The following KIZ variants were observed in gnomAD, a reference collection of about 807,000 sequenced individuals.
KIZ encodes kizuna centrosomal protein, also known as centrosomal protein kizuna.
In KIZ, 68 loss-of-function variants were observed where a neutral mutation model predicts 79.6. The observed-to-expected ratio is 0.85, with a 90% CI of 0.70 to 1.05. KIZ has a LOEUF of 1.05. Among genes scored for constraint, KIZ ranks in the 50% least tolerant of loss-of-function variants. The pLI is 0.00. For synonymous variants in KIZ, 280 were observed against 281.8 expected (o/e 0.99, Z 0.06); for missense variants, 797 against 800.4 (o/e 1.00, Z 0.05).
chr20:21,143,472 T>C (rs566667577), intron 3 of KIZ, among the ~76,000 whole-genome samples: 1 of 152,336 alleles, frequency 6.6e-6, no homozygotes, highest in Non-Finnish European at 1.5e-5. Context: ...CCCAGAGACC[T>C]GAAACTTCTG....
chr20:21,144,458 T>C (rs1444049265), intron 3 of KIZ, among the ~76,000 whole-genome samples: 1 of 152,160 alleles, frequency 6.6e-6, no homozygotes, highest in African/African-American at 2.4e-5. Context: ...AGATGTAAAT[T>C]GTATCTTTGT....
intron 9 of KIZ, among the ~76,000 whole-genome samples, chr20:21,226,648 G>A (rs909871341): frequency 9.2e-5 from 14 of 152,222 alleles, no homozygotes; most frequent in African/African-American, 2.9e-4. Context: ...GCCTCAGTGA[G>A]TGTCATTCCT....
chr20:21,222,509 T>G (rs982510732), intron 9 of KIZ, among the ~76,000 whole-genome samples: 1 of 152,200 alleles, frequency 6.6e-6, no homozygotes, highest in African/African-American at 2.4e-5. Flanking sequence ...AGAGACAAAA[T>G]CAGGCTTTAA....
chr20:21,139,895 C>T lies in KIZ; in HGVS notation c.315+3343C>T, dbSNP rs1020947230. ...AAGGAATGCCTTTAAAAAAATTCTT[C>T]TAGTAGCGTAAAAGACCAAATCATG... On this transcript the variant is annotated intron_variant, in intron 3 of 12. Transcript: ENST00000619189. 5.9e-5 allele frequency among the ~76,000 whole-genome samples: 9 copies of T among 152,216 alleles called. No individual in the cohort carries two copies. The South Asian group carries it at 6.2e-4, about 11-fold the overall frequency.
At chr20:21,228,089 A>T (rs1343570212) in intron 9 of KIZ, among the ~76,000 whole-genome samples, 1 of 152,194 alleles carries the variant, frequency 6.6e-6, no homozygotes, top group African/African-American at 2.4e-5. Flanking sequence ...TTAATCCAGT[A>T]ATAGGGTCTC....
chr20:21,220,901 A>G (rs778417390), intron 9 of KIZ, among the ~76,000 whole-genome samples: 24 of 152,246 alleles, frequency 1.6e-4, no homozygotes, highest in Admixed American at 6.5e-5. Context: ...AGCAATGATA[A>G]ACAAAGCTTG....
chr20:21,171,971 C>T lies in KIZ; in HGVS notation c.1352+8812C>T, dbSNP rs564985444. ...AAGGTGCTGGACATATAGGTGAAGC[C>T]TTCTTGGACTCTCCAGACAAATCCA... is the stretch of plus-strand genomic sequence containing the variant. On this transcript the variant is annotated intron_variant, in intron 6 of 12. Transcript: ENST00000619189. Among the ~76,000 whole-genome samples, 15 of 152,308 alleles carry T rather than the reference C, an allele frequency of 9.8e-5. No individual in the cohort carries two copies. In the South Asian group the frequency reaches 2.3e-3, roughly 23 times the overall value.
intron 1 of KIZ, among the ~76,000 whole-genome samples, chr20:21,129,300 G>A (rs924607977): frequency 6.6e-6 from 1 of 152,200 alleles, no homozygotes; most frequent in Non-Finnish European, 1.5e-5. Flanking sequence ...AGTGTGAGCA[G>A]CAGATGTCTG....
chr20:21,243,528 G>A (rs918598229), intron 11 of KIZ, among the ~76,000 whole-genome samples: 2 of 152,084 alleles, frequency 1.3e-5, no homozygotes, highest in African/African-American at 4.8e-5. Flanking sequence ...GACCATTCAG[G>A]CAATTCTGAA....
intron 11 of KIZ, among the ~76,000 whole-genome samples, chr20:21,239,805 A>G (rs1600628667): frequency 6.6e-6 from 1 of 152,220 alleles, no homozygotes; most frequent in African/African-American, 2.4e-5. Context: ...ATTCTGTTGA[A>G]GTCCTGGCTG....
At position 21,145,602 on chromosome 20, in the gene KIZ, C is replaced by A; in HGVS notation, c.353C>A (p.Ser118Ter). 6.5e-7 allele frequency: 1 copy of A among 1,527,670 alleles called. No homozygotes were observed. 94.6% of individuals were successfully genotyped at this position (1,527,670 alleles called of 1,614,324 possible). ...ACTCAAATTAAGAAGATGCTATGCT[C>A]AAAAGATAGCCTGGGACTAAAAGAG... Reference protein sequence around the residue: ...YETQIKKMLCSKDSLGLKEEL... With the variant: ...YETQIKKMLC The change falls in exon 4 of 13, where the codon TCA becomes TAA. Residue 118 changes from serine to a stop codon, truncating the protein, a stop_gained. Coordinates refer to ENST00000619189, the MANE Select transcript of KIZ (RefSeq NM_018474.6). LOFTEE classifies it high-confidence loss of function.
chr20:21,163,106 C>T lies in KIZ; in HGVS notation c.1299C>T (p.Thr433=), dbSNP rs2033763460. ...LSTEKNCILQ[T]LSSPDSEKES... ...CTGAAAAAAATTGTATTTTGCAAAC[C>T]CTAAGCTCTCCTGATTCAGAAAAGG... The change falls in exon 6 of 13, where the codon ACC becomes ACT. Residue 433 remains threonine (T), a synonymous_variant. Transcript: ENST00000619189. The T allele has an allele frequency of 6.2e-7, 1 of 1,613,380 alleles. No individual in the cohort carries two copies. The highest frequency in any genetic ancestry group is 1.3e-5 in the African/African-American group (1 of 74,876).
At chr20:21,224,087 A>G (rs1267006750) in intron 9 of KIZ, among the ~76,000 whole-genome samples, 1 of 152,014 alleles carries the variant, frequency 6.6e-6, no homozygotes, top group Non-Finnish European at 1.5e-5. Flanking sequence ...TCCGCCTCCC[A>G]GGTTCAAGCA....
chr20:21,185,654 A>C (rs1264905414), intron 6 of KIZ, among the ~76,000 whole-genome samples: 1 of 148,696 alleles, frequency 6.7e-6, no homozygotes, highest in East Asian at 2.0e-4. Flanking sequence ...CAAGTGATCC[A>C]CCCACCTTAG....
rs61333547 is a variant in KIZ at position 21,147,961 on chromosome 20, TTG to T, written c.405+2340_405+2341del. Among the ~76,000 whole-genome samples the T allele has an allele frequency of 3.4e-3, 484 of 141,048 alleles. 3 individuals are homozygous for T. Among genetic ancestry groups the T allele is most frequent in the African/African-American group, 8.2e-3 (315 of 38,192 alleles). 92.5% of individuals were successfully genotyped at this position (141,048 alleles called of 152,430 possible). A position where few individuals can be genotyped will look rare whatever the true frequency, so the allele number is the denominator to read the frequency against. On this transcript the variant is annotated intron_variant, in intron 4 of 12. Transcript: ENST00000619189. ...AAGAACTGAGATTTCCTCCTGGAAT[TTG>T]TGTGTGTGTGTGTGTGTGTGTGTGT...
chr20:21,144,381 C>T (rs1205872354), intron 3 of KIZ, among the ~76,000 whole-genome samples: 1 of 152,136 alleles, frequency 6.6e-6, no homozygotes, highest in Non-Finnish European at 1.5e-5. Context: ...TAAAGGATGC[C>T]TGTTTAAAGC....
intron 10 of KIZ, 64 bp from the exon 11 acceptor site, chr20:21,232,670 A>G (rs1363856455): frequency 1.2e-6 from 1 of 816,576 alleles, no homozygotes; most frequent in Admixed American, 2.0e-5. Context: ...AGGCCACTTT[A>G]TTCATTTTGT....
At chr20:21,209,268 T>G (rs2035964576) in intron 7 of KIZ, among the ~76,000 whole-genome samples, 1 of 152,238 alleles carries the variant, frequency 6.6e-6, no homozygotes, top group African/African-American at 2.4e-5. Context: ...ATAATTGAGC[T>G]GCCTGCTTTT....
Position 21,145,645 on chromosome 20 carries a change from C to A in KIZ, c.396C>A (p.Asp132Glu). The A allele has an allele frequency of 7.5e-6, 11 of 1,468,070 alleles. No homozygotes were observed. Among genetic ancestry groups the A allele is most frequent in the Non-Finnish European group, 1.0e-5 (11 of 1,082,490 alleles). The allele number at this position is 1,468,070 out of a possible 1,614,324, so 90.9% of individuals were successfully genotyped here. Residue 132 changes from aspartate (D) to glutamate (E), a missense_variant, in exon 4 of 13, where the codon GAC (aspartate) becomes GAA (glutamate). Physicochemically the swap from Asp to Glu is conservative, Grantham distance 45. Coordinates refer to ENST00000619189, the MANE Select transcript of KIZ (RefSeq NM_018474.6). ...LGLKEELTDE[D>E]REKVAVHEGI... Reference sequence around the variant, plus strand: ...TAAAAGAGGAACTGACAGATGAAGACAGAGAAAAGGTAATAAACTAAATTG... The same window carrying A: ...TAAAAGAGGAACTGACAGATGAAGAAAGAGAAAAGGTAATAAACTAAATTG...
Sources: allele counts gnomAD v4.1 joint callset (sites outside exome capture counted in the v4.1 genomes callset), GRCh38; gene constraint gnomAD v4.1.1; transcripts MANE v1.5; gene names NCBI Gene and HGNC (gene_info 2026-07-23, HGNC 2026-07-21).